DNAJC24: variants seen among roughly 807,000 people sequenced by gnomAD.
DNAJC24 encodes DnaJ heat shock protein family (Hsp40) member C24.
A neutral mutation model predicts 18.0 loss-of-function variants in DNAJC24; 17 were observed. The ratio of observed to expected loss-of-function variants is 0.94; its 90% CI spans 0.65 to 1.42. The LOEUF is 1.42. DNAJC24 is among the 40% of genes most tolerant of loss of function. DNAJC24 has a pLI of 0.00. For synonymous variants in DNAJC24, 55 were observed against 57.7 expected (o/e 0.95, Z 0.21); for missense variants, 158 against 175.6 (o/e 0.90, Z 0.57).
At chr11:31,412,466 C>A (rs1952718484) in intron 2 of DNAJC24, among the ~76,000 whole-genome samples, 1 of 152,110 alleles carries the variant, frequency 6.6e-6, no homozygotes, top group South Asian at 2.1e-4. Context: ...TTATACTAAG[C>A]TTGTTAGACA....
intron 2 of DNAJC24, among the ~76,000 whole-genome samples, chr11:31,386,089 T>G (rs1258039359): frequency 6.6e-6 from 1 of 152,178 alleles, no homozygotes; most frequent in Non-Finnish European, 1.5e-5. Context: ...CCCAGAGGTC[T>G]GAATCTGAGT....
chr11:31,423,694 G>A (rs1952832819), intron 3 of DNAJC24, among the ~76,000 whole-genome samples: 1 of 152,134 alleles, frequency 6.6e-6, no homozygotes, highest in Non-Finnish European at 1.5e-5. Flanking sequence ...GTCAGATACT[G>A]GTTTTTTGAA....
At chr11:31,393,985 T>G (rs1376353349) in intron 2 of DNAJC24, among the ~76,000 whole-genome samples, 1 of 152,124 alleles carries the variant, frequency 6.6e-6, no homozygotes, top group African/African-American at 2.4e-5. Flanking sequence ...AAAGACCTTG[T>G]TTTATGTTTG....
At chr11:31,391,566 C>T (rs1030835362) in intron 2 of DNAJC24, among the ~76,000 whole-genome samples, 1 of 152,152 alleles carries the variant, frequency 6.6e-6, no homozygotes, top group Non-Finnish European at 1.5e-5. Flanking sequence ...GATGTCATCC[C>T]ACCCCAGTTA....
Position 31,431,995 on chromosome 11 carries a change from A to G in DNAJC24, c.*1594A>G, listed in dbSNP as rs980536395. On this transcript the variant is annotated 3_prime_UTR_variant, in exon 5 of 5. Coordinates refer to ENST00000465995, the MANE Select transcript of DNAJC24 (RefSeq NM_181706.5). Reference sequence around the variant, plus strand: ...TTTCTATGTATTTAATATTTTGTGTACAGTAAAAGTCAGAACTCATTTAAA... The same window carrying G: ...TTTCTATGTATTTAATATTTTGTGTGCAGTAAAAGTCAGAACTCATTTAAA... 1 of 153,124 alleles carries G rather than the reference A, an allele frequency of 6.5e-6. No homozygotes were observed. Among genetic ancestry groups the G allele is most frequent in the Middle Eastern group, 3.4e-3 (1 of 294 alleles). 9.5% of individuals were successfully genotyped at this position (153,124 alleles called of 1,614,324 possible).
chr11:31,426,174 A>C (rs1952859285), intron 3 of DNAJC24, 113 bp from the exon 4 acceptor site: 2 of 650,662 alleles, frequency 3.1e-6, no homozygotes, highest in Non-Finnish European at 5.2e-6. Flanking sequence ...TTTTTAAGTG[A>C]TAGGTAAGTT....
intron 3 of DNAJC24, among the ~76,000 whole-genome samples, chr11:31,425,683 G>A (rs1952854103): frequency 2.6e-5 from 4 of 151,990 alleles, no homozygotes; most frequent in South Asian, 2.1e-4. Flanking sequence ...TCCATTTAAC[G>A]TTAATTACCT....
intron 3 of DNAJC24, among the ~76,000 whole-genome samples, 196 bp from the exon 4 acceptor site, chr11:31,426,091 T>C (rs1340453118): frequency 1.3e-5 from 2 of 152,306 alleles, no homozygotes; most frequent in African/African-American, 4.8e-5. Flanking sequence ...TTATAAGAAA[T>C]GTTATGTTCT....
intron 3 of DNAJC24, among the ~76,000 whole-genome samples, chr11:31,420,059 C>G (rs868645946): frequency 6.5e-4 from 99 of 152,098 alleles, no homozygotes; most frequent in African/African-American, 2.3e-3. Flanking sequence ...ATTTATAACT[C>G]TATACCCTCC....
At chr11:31,376,097 GAA>G in intron 2 of DNAJC24, among the ~76,000 whole-genome samples, 1 of 83,622 alleles carries the variant, frequency 1.2e-5, no homozygotes, top group Admixed American at 1.3e-4. Context: ...TCATGGTAGT[GAA>G]TAAGTCTCAC....
At chr11:31,411,800 G>A (rs1238952230) in intron 2 of DNAJC24, among the ~76,000 whole-genome samples, 5 of 152,154 alleles carry the variant, frequency 3.3e-5, no homozygotes, top group African/African-American at 1.2e-4. Context: ...TCCAAATAAA[G>A]TAACATTTAC....
intron 2 of DNAJC24, among the ~76,000 whole-genome samples, chr11:31,395,263 C>T (rs1952533849): frequency 2.0e-5 from 3 of 151,978 alleles, no homozygotes; most frequent in Admixed American, 6.6e-5. Flanking sequence ...AATATATGTA[C>T]GACATTTTGT....
At chr11:31,417,999 A>G (rs565472688) in intron 3 of DNAJC24, among the ~76,000 whole-genome samples, 1 of 152,194 alleles carries the variant, frequency 6.6e-6, no homozygotes, top group Non-Finnish European at 1.5e-5. Context: ...TCCTACTTCT[A>G]TATGCTTAGT....
chr11:31,398,677 A>C (rs1413202238), intron 2 of DNAJC24, among the ~76,000 whole-genome samples: 1 of 152,176 alleles, frequency 6.6e-6, no homozygotes, highest in East Asian at 1.9e-4. Context: ...AAGCCACTGA[A>C]CTAGTATCAT....
At chr11:31,415,419 TC>T (rs1952743849) in intron 3 of DNAJC24, 1 of 152,308 alleles carries the variant, frequency 6.6e-6, no homozygotes, top group South Asian at 2.1e-4. Flanking sequence ...GATAAACTAT[TC>T]CTTGTGATTG....
intron 2 of DNAJC24, among the ~76,000 whole-genome samples, chr11:31,413,198 A>G (rs142879294): frequency 6.6e-6 from 1 of 152,196 alleles, no homozygotes; most frequent in African/African-American, 2.4e-5. Context: ...TTGCCTGTTT[A>G]TTGTAAAAAC....
chr11:31,378,258 C>A (rs1456396354), intron 2 of DNAJC24, among the ~76,000 whole-genome samples: 3 of 151,930 alleles, frequency 2.0e-5, no homozygotes, highest in African/African-American at 7.3e-5. Flanking sequence ...TCTTGTAGTT[C>A]ACATTATAAT....
rs1311640326 is a variant in DNAJC24, at chr11:31,372,694, T to C, written c.111+1835T>C. On this transcript the variant is annotated intron_variant, in intron 2 of 4. Transcript: ENST00000465995. ...AATCATTTCACATATGCGCTAACAA[T>C]GTATCAGAGAATTCTGGTTGCTCTA... Among the ~76,000 whole-genome samples, 3 of 135,980 alleles carry C rather than the reference T, an allele frequency of 2.2e-5. 1 individual carries two copies. The highest frequency in any genetic ancestry group is 5.1e-5 in the Non-Finnish European group (3 of 58,752). 89.2% of individuals were successfully genotyped at this position (135,980 alleles called of 152,430 possible).
chr11:31,397,607 A>G (rs1952555140), intron 2 of DNAJC24, among the ~76,000 whole-genome samples: 1 of 152,126 alleles, frequency 6.6e-6, no homozygotes, highest in African/African-American at 2.4e-5. Flanking sequence ...TCTCATAGAA[A>G]ATAAAGCAAA....
Sources: allele counts gnomAD v4.1 joint callset (sites outside exome capture counted in the v4.1 genomes callset), GRCh38; gene constraint gnomAD v4.1.1; transcripts MANE v1.5; gene names NCBI Gene and HGNC (gene_info 2026-07-23, HGNC 2026-07-21).